Variants in PTPN13 observed in about 807,000 individuals in gnomAD.
PTPN13 encodes the protein tyrosine-protein phosphatase non-receptor type 13.
In PTPN13, 191 loss-of-function variants were observed where a neutral mutation model predicts 284.0. The ratio of observed to expected loss-of-function variants is 0.67; its 90% confidence interval spans 0.60 to 0.76. The LOEUF is 0.76. PTPN13 is among the 30% of genes least tolerant of loss of function. The pLI, the probability that PTPN13 is intolerant of heterozygous loss-of-function variation, is 0.00. For synonymous variants in PTPN13, 986 were observed against 1,022.3 expected, an observed-to-expected ratio of 0.96 and a Z score of 0.68; for missense variants, 2,797 against 2,939.9, an observed-to-expected ratio of 0.95 and a Z score of 1.12.
chr4:86,628,501 T>A (rs867808627), intron 1 of PTPN13, among the ~76,000 whole-genome samples: 2,142 of 94,776 alleles, frequency 0.023, 38 homozygotes, highest in African/African-American at 0.092. Flanking sequence ...TTTTTTTTTT[T>A]AATTTTTTTT....
intron 42 of PTPN13, 42 bp from the exon 43 acceptor site, chr4:86,803,667 G>T (rs1744319389): frequency 1.3e-6 from 2 of 1,595,840 alleles, no homozygotes. Context: ...TAGTTAAATT[G>T]GTTCTGGAGG....
chr4:86,757,498 C>T (rs932155321), intron 20 of PTPN13, among the ~76,000 whole-genome samples: 3 of 151,868 alleles, frequency 2.0e-5, no homozygotes, highest in African/African-American at 2.4e-5. Flanking sequence ...GACCAGGTAC[C>T]GTGGCTCACA....
chr4:86,729,029 C>G lies in PTPN13; in HGVS notation c.1609-3371C>G, dbSNP rs768380284. On this transcript the variant is annotated intron_variant, in intron 10 of 47. Coordinates refer to ENST00000411767, the MANE Select transcript of PTPN13 (RefSeq NM_080683.3). ...GCTTCCTTCAGGAATTTTTGTAAGG[C>G]AGGCCTGATGGTGACAAAATCTGTC... is the stretch of plus-strand genomic sequence containing the variant. Among the ~76,000 whole-genome samples, 22 of 149,202 alleles carry G rather than the reference C, an allele frequency of 1.5e-4. 3 individuals are homozygous for G. Among genetic ancestry groups the G allele is most frequent in the Non-Finnish European group, 2.9e-4 (19 of 66,508 alleles).
intron 3 of PTPN13, among the ~76,000 whole-genome samples, chr4:86,682,466 G>A (rs890097802): frequency 2.7e-5 from 4 of 150,486 alleles, no homozygotes; most frequent in East Asian, 1.9e-4. Flanking sequence ...TTCTTTTTTC[G>A]CCTTGGACTT....
chr4:86,806,547 C>T (rs1744684303), intron 44 of PTPN13, among the ~76,000 whole-genome samples: 1 of 152,048 alleles, frequency 6.6e-6, no homozygotes, highest in Admixed American at 6.6e-5. Context: ...CACTGTTTGG[C>T]ATAAAGTATA....
intron 10 of PTPN13, among the ~76,000 whole-genome samples, chr4:86,727,276 G>C (rs1349866553): frequency 6.7e-6 from 1 of 149,194 alleles, no homozygotes; most frequent in Non-Finnish European, 1.5e-5. Context: ...AAAATTCTCT[G>C]TTTTTGTTGT....
chr4:86,751,371 G>C (rs1051815058), intron 19 of PTPN13, among the ~76,000 whole-genome samples: 2 of 152,094 alleles, frequency 1.3e-5, no homozygotes, highest in African/African-American at 4.8e-5. Flanking sequence ...CTGTCACCCA[G>C]TCTGGAGTGC....
rs182053958 is a variant in PTPN13 at position 86,622,084 on chromosome 4, T to G, written c.-5-13168T>G. Among the ~76,000 whole-genome samples the G allele has an allele frequency of 5.3e-4, 80 of 152,356 alleles. 1 individual carries two copies. The highest frequency in any genetic ancestry group is 1.8e-3 in the African/African-American group (75 of 41,588). ...TGCTTTGTTTCTCCAAAAGGTCATT[T>G]GAGTTATCATTACAACCCCCTGTGT... is the stretch of plus-strand genomic sequence containing the variant. On this transcript the variant is annotated intron_variant, in intron 1 of 47. Transcript: ENST00000411767.
intron 7 of PTPN13, among the ~76,000 whole-genome samples, chr4:86,706,837 A>T (rs1336264810): frequency 6.6e-6 from 1 of 152,208 alleles, no homozygotes; most frequent in East Asian, 1.9e-4. Flanking sequence ...CTCTTGTAGA[A>T]ACTAGTTTTA....
intron 4 of PTPN13, among the ~76,000 whole-genome samples, chr4:86,687,517 G>A (rs1329824746): frequency 6.6e-6 from 1 of 151,774 alleles, no homozygotes; most frequent in Non-Finnish European, 1.5e-5. Context: ...AACTAGGTGT[G>A]GTTTTTTCTT....
intron 15 of PTPN13, among the ~76,000 whole-genome samples, chr4:86,737,590 A>G (rs1193403911): frequency 1.3e-5 from 2 of 151,888 alleles, no homozygotes; most frequent in Non-Finnish European, 1.5e-5. Context: ...TTGTCTCTTT[A>G]TAGTCAGTCC....
intron 1 of PTPN13, among the ~76,000 whole-genome samples, chr4:86,597,906 TTGCCTTATCCTGTGCTC>T (rs1214135844): frequency 2.6e-5 from 4 of 152,210 alleles, no homozygotes; most frequent in Non-Finnish European, 4.4e-5. Context: ...TTAGATGTGT[TTGCCTTATCCTGTGCTC>T]TGCCATTGAA....
intron 42 of PTPN13, among the ~76,000 whole-genome samples, chr4:86,803,419 C>T (rs560537078): frequency 4.4e-4 from 67 of 152,002 alleles, no homozygotes; most frequent in Non-Finnish European, 6.6e-4. Flanking sequence ...AGGGAGACCC[C>T]GTCTCTTCAA....
intron 23 of PTPN13, 102 bp downstream of exon 23, chr4:86,759,175 A>G (rs1460597625): frequency 2.4e-6 from 3 of 1,241,122 alleles, no homozygotes; most frequent in Non-Finnish European, 3.3e-6. Context: ...TACAAAATTG[A>G]TGCAACTTAA....
chr4:86,694,221 G>C (rs1056508286), intron 6 of PTPN13, among the ~76,000 whole-genome samples: 2 of 151,664 alleles, frequency 1.3e-5, no homozygotes, highest in Non-Finnish European at 2.9e-5. Context: ...TTTGCTATTT[G>C]TCAATAGCAT....
chr4:86,701,311 A>G lies in PTPN13; in HGVS notation c.705A>G (p.Lys235=), dbSNP rs1327230455. The G allele has an allele frequency of 1.2e-6, 2 of 1,612,452 alleles. No individual in the cohort carries two copies. Among genetic ancestry groups the G allele is most frequent in the Non-Finnish European group, 1.7e-6 (2 of 1,179,028 alleles). The change falls in exon 7 of 48, where the codon AAA becomes AAG. Residue 235 remains lysine, a synonymous_variant. Coordinates refer to ENST00000411767, the MANE Select transcript of PTPN13 (RefSeq NM_080683.3). The part of the protein sequence containing the change: ...PPLSHQTFLN[K]GLSKSMGFLS... The stretch of plus-strand genomic sequence containing the variant: ...TCTCTCATCAGACCTTTCTTAACAA[A>G]GGGCTTAGTAAATCTATGGGATTTC...
chr4:86,765,876 G>A (rs960353892), intron 26 of PTPN13, among the ~76,000 whole-genome samples: 12 of 151,272 alleles, frequency 7.9e-5, no homozygotes, highest in African/African-American at 2.9e-4. Context: ...CACCCAGGCT[G>A]GAGTGCAGTG....
At chr4:86,672,985 C>G (rs1167073296) in intron 3 of PTPN13, among the ~76,000 whole-genome samples, 1 of 152,200 alleles carries the variant, frequency 6.6e-6, no homozygotes, top group Non-Finnish European at 1.5e-5. Flanking sequence ...CTCAGATCAT[C>G]AGGCATTAGA....
At chr4:86,699,283 G>T (rs1463252566) in intron 6 of PTPN13, among the ~76,000 whole-genome samples, 1 of 152,078 alleles carries the variant, frequency 6.6e-6, no homozygotes, top group Non-Finnish European at 1.5e-5. Context: ...CTACTCGGGA[G>T]GCTGAGGCGG....
Sources: gnomAD v4.1 joint callset for allele counts (sites outside exome capture counted in the v4.1 genomes callset) on GRCh38, gnomAD v4.1.1 for gene constraint, MANE v1.5 for transcripts, NCBI Gene and HGNC (gene_info 2026-07-23, HGNC 2026-07-21) for gene names.